Variants in GABPB2 observed in about 807,000 individuals in gnomAD.
The protein encoded by GABPB2 is GA-binding protein subunit beta-2.
Under a neutral mutation model 39.1 loss-of-function variants are expected in GABPB2, and 23 were observed. The ratio of observed to expected loss-of-function variants is 0.59; its 90% CI spans 0.42 to 0.83. The LOEUF is 0.83. GABPB2 is among the 40% of genes least tolerant of loss of function. The probability of loss-of-function intolerance (pLI) is 0.00; values close to 1 mark genes in which losing one functional copy is unlikely to be tolerated. For missense variants in GABPB2, 467 were observed against 541.1 expected (o/e 0.86, Z 1.36); for synonymous variants, 184 against 199.3 (o/e 0.92, Z 0.65).
Position 151,122,664 on chromosome 1 carries a change from G to A in GABPB2, c.*4408G>A, listed in dbSNP as rs2101586545. ...AAGGCAGAGAATGTCCATCCAACATGCCCTTCTGACTATACAGTCACCACT... is the reference window on the plus strand; with the variant it reads ...AAGGCAGAGAATGTCCATCCAACATACCCTTCTGACTATACAGTCACCACT... On this transcript the variant is annotated 3_prime_UTR_variant, in exon 9 of 9. Transcript: ENST00000368918. 6.6e-6 allele frequency: 1 copy of A among 152,042 alleles called. No homozygotes were observed. Among genetic ancestry groups the A allele is most frequent in the East Asian group, 1.9e-4 (1 of 5,184 alleles). The allele number at this position is 152,042 out of a possible 1,614,324, so 9.4% of individuals were successfully genotyped here. A position where few individuals can be genotyped will look rare whatever the true frequency, so the allele number is the denominator to read the frequency against.
chr1:151,092,032 A>G (rs1264022207), intron 3 of GABPB2, among the ~76,000 whole-genome samples: 3 of 151,468 alleles, frequency 2.0e-5, no homozygotes, highest in Non-Finnish European at 2.9e-5. Flanking sequence ...CCTGGCCTCA[A>G]GCAATTCTCC....
At chr1:151,078,450 G>A (rs1261297708) in intron 1 of GABPB2, among the ~76,000 whole-genome samples, 3 of 151,132 alleles carry the variant, frequency 2.0e-5, no homozygotes, top group African/African-American at 4.9e-5. Flanking sequence ...AAAATTAGCC[G>A]GGCATGGTGG....
chr1:151,118,540 ATTT>A lies in GABPB2; in HGVS notation c.*294_*296del. ...AAAGAATACTGCATGTTGTGGGTTG[ATTT>A]TTTTTTTTTAAATAACTGACTTTCT... On this transcript the variant is annotated 3_prime_UTR_variant, in exon 9 of 9. Coordinates refer to ENST00000368918, the MANE Select transcript of GABPB2 (RefSeq NM_144618.3). 1 of 256,486 alleles carries A rather than the reference ATTT, an allele frequency of 3.9e-6. No homozygotes were observed. The highest frequency in any genetic ancestry group is 7.3e-6 in the Non-Finnish European group (1 of 136,408). The allele number at this position is 256,486 out of a possible 1,614,324, so 15.9% of individuals were successfully genotyped here. A position where few individuals can be genotyped will look rare whatever the true frequency, so the allele number is the denominator to read the frequency against.
intron 5 of GABPB2, among the ~76,000 whole-genome samples, chr1:151,101,952 G>A (rs1294581664): frequency 3.3e-5 from 5 of 152,290 alleles, no homozygotes; most frequent in East Asian, 1.9e-4. Flanking sequence ...GATCTAGTGC[G>A]CTTCCCTCTT....
intron 7 of GABPB2, among the ~76,000 whole-genome samples, chr1:151,115,867 C>T (rs1354605913): frequency 6.6e-6 from 1 of 152,122 alleles, no homozygotes; most frequent in Non-Finnish European, 1.5e-5. Flanking sequence ...CTTTGGGAGG[C>T]CAAGGCAGGT....
chr1:151,106,944 C>G (rs1680016372), intron 6 of GABPB2, 93 bp from the exon 7 acceptor site: 1 of 751,602 alleles, frequency 1.3e-6, no homozygotes, highest in Non-Finnish European at 2.0e-6. Context: ...ATGTTCCTCT[C>G]CCTGAATGTT....
rs926172399 is a variant in GABPB2 at position 151,122,156 on chromosome 1, T to A, written c.*3900T>A. 2.6e-5 allele frequency: 4 copies of A among 152,146 alleles called. No homozygotes were observed. The highest frequency in any genetic ancestry group is 9.7e-5 in the African/African-American group (4 of 41,426). 9.4% of individuals were successfully genotyped at this position (152,146 alleles called of 1,614,324 possible). A position where few individuals can be genotyped will look rare whatever the true frequency, so the allele number is the denominator to read the frequency against. ...AACAAACAGAATTGGTTATTAGAGA[T>A]TTATAGGCAAAAATATCAGTTTGGA... is the stretch of plus-strand genomic sequence containing the variant. On this transcript the variant is annotated 3_prime_UTR_variant, in exon 9 of 9. Transcript: ENST00000368918.
At chr1:151,089,077 C>G (rs587768701) in intron 2 of GABPB2, among the ~76,000 whole-genome samples, 4 of 152,110 alleles carry the variant, frequency 2.6e-5, no homozygotes, top group Non-Finnish European at 5.9e-5. Context: ...TTAGCCTCAA[C>G]CATCTTGGAG....
At chr1:151,115,351 T>C (rs12074309) in intron 7 of GABPB2, among the ~76,000 whole-genome samples, 13,312 of 150,088 alleles carry the variant, frequency 0.089, 724 homozygotes, top group African/African-American at 0.15. Context: ...AGAATGAAAC[T>C]CCGTCTCAAA....
At chr1:151,089,369 A>T (rs1218656712) in intron 2 of GABPB2, among the ~76,000 whole-genome samples, 1 of 152,218 alleles carries the variant, frequency 6.6e-6, no homozygotes, top group African/African-American at 2.4e-5. Context: ...GAATAAACTA[A>T]ACAGGCTTAA....
chr1:151,073,662 C>G (rs1248763072), intron 1 of GABPB2, among the ~76,000 whole-genome samples: 1 of 152,066 alleles, frequency 6.6e-6, no homozygotes, highest in African/African-American at 2.4e-5. Context: ...TGGCTCATCC[C>G]CGTAATCCCA....
At chr1:151,083,942 T>A (rs1677940715) in intron 1 of GABPB2, among the ~76,000 whole-genome samples, 1 of 150,828 alleles carries the variant, frequency 6.6e-6, no homozygotes, top group Non-Finnish European at 1.5e-5. Flanking sequence ...GGTTTCATTA[T>A]CTTGGACATG....
chr1:151,077,889 G>A (rs1677316810), intron 1 of GABPB2, among the ~76,000 whole-genome samples: 1 of 151,664 alleles, frequency 6.6e-6, no homozygotes, highest in South Asian at 2.1e-4. Context: ...GAGGCTGAGG[G>A]TGCAGTGAGC....
intron 2 of GABPB2, among the ~76,000 whole-genome samples, chr1:151,089,195 C>A (rs1048168843): frequency 3.3e-5 from 5 of 152,054 alleles, no homozygotes; most frequent in Non-Finnish European, 7.4e-5. Context: ...GAATGAGTGA[C>A]CTCTATTCTG....
chr1:151,104,457 G>C (rs1305763554), intron 6 of GABPB2, among the ~76,000 whole-genome samples: 4 of 152,154 alleles, frequency 2.6e-5, no homozygotes, highest in Non-Finnish European at 4.4e-5. Context: ...TAATCATAAA[G>C]ATCTCTACTC....
chr1:151,107,339 G>A (rs1680046379), intron 7 of GABPB2, 117 bp downstream of exon 7: 1 of 612,210 alleles, frequency 1.6e-6, no homozygotes, highest in Non-Finnish European at 2.4e-6. Flanking sequence ...GATGCAAGTT[G>A]GGGCAAAGAA....
chr1:151,114,487 CAA>C (rs1173265561), intron 7 of GABPB2, among the ~76,000 whole-genome samples: 2 of 151,980 alleles, frequency 1.3e-5, no homozygotes, highest in African/African-American at 4.8e-5. Context: ...ATCACAAGGT[CAA>C]GAGATCGAGA....
At chr1:151,101,713 T>C (rs1679540290) in intron 5 of GABPB2, among the ~76,000 whole-genome samples, 1 of 152,150 alleles carries the variant, frequency 6.6e-6, no homozygotes, top group Admixed American at 6.6e-5. Context: ...AGCCCCAGCA[T>C]CACCAGGCAG....
intron 7 of GABPB2, among the ~76,000 whole-genome samples, chr1:151,115,481 A>G (rs1201776693): frequency 6.7e-6 from 1 of 148,816 alleles, no homozygotes; most frequent in East Asian, 2.0e-4. Context: ...GCTAACAGCA[A>G]CCTCCGCATA....
Sources: gnomAD v4.1 joint callset for allele counts (sites outside exome capture counted in the v4.1 genomes callset) on GRCh38, gnomAD v4.1.1 for gene constraint, MANE v1.5 for transcripts, NCBI Gene and HGNC (gene_info 2026-07-23, HGNC 2026-07-21) for gene names.